The following LRP1B variants were observed in gnomAD, a reference collection of about 807,000 sequenced individuals.
LRP1B encodes the protein LDL receptor related protein 1B.
Under a neutral mutation model 556.6 loss-of-function variants are expected in LRP1B, and 217 were observed. The observed-to-expected ratio is 0.39, with a 90% CI of 0.35 to 0.44. LRP1B has a LOEUF of 0.44. Ranked by LOEUF, LRP1B falls within the 20% of genes least tolerant of loss-of-function variation. LRP1B has a pLI of 1.00. For synonymous variants in LRP1B, 2,047 were observed against 1,865.8 expected, an observed-to-expected ratio of 1.10 and a Z score of -2.50; for missense variants, 5,053 against 5,620.8, an observed-to-expected ratio of 0.90 and a Z score of 3.23.
At chr2:140,667,885 T>C (rs1430291203) in intron 41 of LRP1B, among the ~76,000 whole-genome samples, 1 of 152,210 alleles carries the variant, frequency 6.6e-6, no homozygotes, top group African/African-American at 2.4e-5. Context: ...TCACAAATCA[T>C]ACTGTGTTCT....
intron 3 of LRP1B, among the ~76,000 whole-genome samples, chr2:141,429,313 T>C (rs1057383794): frequency 6.6e-6 from 1 of 152,156 alleles, no homozygotes; most frequent in African/African-American, 2.4e-5. Context: ...CATAGTATTT[T>C]CTAATGGCAC....
rs557618529 is a variant in LRP1B at position 141,335,812 on chromosome 2, C to T, written c.344-81171G>A. 1.4e-4 allele frequency among the ~76,000 whole-genome samples: 22 copies of T among 152,062 alleles called. No homozygotes were observed. The South Asian group carries it at 1.9e-3, about 13-fold the overall frequency. On this transcript the variant is annotated intron_variant, in intron 3 of 90. Coordinates refer to ENST00000389484, the MANE Select transcript of LRP1B (RefSeq NM_018557.3). Reference sequence around the variant, plus strand: ...ATGGAAAAAAAGAGAGATAAACATGCGTGTGTGTTGTGTGTATACACCTGT... The same window carrying T: ...ATGGAAAAAAAGAGAGATAAACATGTGTGTGTGTTGTGTGTATACACCTGT...
At chr2:140,234,705 C>T in intron 90 of LRP1B, 81 bp downstream of exon 90, 1 of 668,640 alleles carries the variant, frequency 1.5e-6, no homozygotes, top group Non-Finnish European at 2.7e-6. Context: ...TAAAAACAAG[C>T]CTCTAAGTCT....
intron 18 of LRP1B, among the ~76,000 whole-genome samples, chr2:140,958,937 A>G (rs74529934): frequency 0.023 from 3,504 of 151,754 alleles, 69 homozygotes; most frequent in Non-Finnish European, 0.032. Context: ...CCAGAAAAAT[A>G]TAAGAGGGAA....
chr2:141,095,895 A>G (rs1316234236), intron 7 of LRP1B, among the ~76,000 whole-genome samples: 1 of 152,096 alleles, frequency 6.6e-6, no homozygotes, highest in African/African-American at 2.4e-5. Flanking sequence ...CATTCTTCCC[A>G]GATGGAGGAG....
chr2:141,328,604 T>G (rs1477053337), intron 3 of LRP1B, among the ~76,000 whole-genome samples: 2 of 152,242 alleles, frequency 1.3e-5, no homozygotes, highest in Non-Finnish European at 2.9e-5. Context: ...AAGAGAGCTC[T>G]ACTTCAAGGT....
chr2:141,471,282 T>TTTG (rs1553518999), intron 3 of LRP1B, among the ~76,000 whole-genome samples: 6 of 113,842 alleles, frequency 5.3e-5, no homozygotes, highest in Non-Finnish European at 9.7e-5. Flanking sequence ...TTTTTTTTTT[T>TTTG]TTTTTTTTTT....
At chr2:141,684,603 A>T (rs10200375) in intron 2 of LRP1B, among the ~76,000 whole-genome samples, 10,836 of 151,978 alleles carry the variant, frequency 0.071, 538 homozygotes, top group African/African-American at 0.13. Context: ...TAAAGTAAAA[A>T]AAAAGAAAAA....
At chr2:141,061,890 A>G (rs1013227906) in intron 8 of LRP1B, among the ~76,000 whole-genome samples, 161 bp downstream of exon 8, 1 of 151,858 alleles carries the variant, frequency 6.6e-6, no homozygotes, top group Non-Finnish European at 1.5e-5. Context: ...AAATATCACA[A>G]TATCACTGTG....
At position 141,439,908 on chromosome 2, in the gene LRP1B, T is replaced by A. The variant is rs962159493; in HGVS notation, c.343+40488A>T. Among the ~76,000 whole-genome samples the A allele has an allele frequency of 7.9e-5, 12 of 152,298 alleles. No homozygotes were observed. In the East Asian group the frequency reaches 2.3e-3, roughly 29 times the overall value. ...AATGTGTCCACATAGTGTCCAAAAA[T>A]CTTTCTAAGAAAAGTTTTGTTTTTA... is the stretch of plus-strand genomic sequence containing the variant. On this transcript the variant is annotated intron_variant, in intron 3 of 90. Transcript: ENST00000389484.
At chr2:140,284,505 C>T (rs1271555732) in intron 84 of LRP1B, among the ~76,000 whole-genome samples, 1 of 151,610 alleles carries the variant, frequency 6.6e-6, no homozygotes, top group Non-Finnish European at 1.5e-5. Context: ...CAGGCAACAT[C>T]TCACCTCATC....
chr2:140,387,968 G>T (rs1277484067), intron 66 of LRP1B, among the ~76,000 whole-genome samples: 3 of 139,470 alleles, frequency 2.2e-5, no homozygotes, highest in African/African-American at 8.0e-5. Context: ...ATGGAGTCTT[G>T]CTCTATCCCA....
intron 2 of LRP1B, among the ~76,000 whole-genome samples, chr2:141,508,981 G>C (rs1053772207): frequency 6.6e-6 from 1 of 152,080 alleles, no homozygotes; most frequent in Non-Finnish European, 1.5e-5. Context: ...GAGACACAGA[G>C]CATATTTACT....
At chr2:140,794,543 G>T (rs540934359) in intron 32 of LRP1B, among the ~76,000 whole-genome samples, 19 of 150,560 alleles carry the variant, frequency 1.3e-4, no homozygotes, top group South Asian at 4.2e-4. Context: ...CTGTCCAGAT[G>T]AATTTCCAAA....
intron 1 of LRP1B, among the ~76,000 whole-genome samples, chr2:141,887,687 T>G (rs72849401): frequency 0.068 from 10,350 of 152,272 alleles, 363 homozygotes; most frequent in South Asian, 0.083. Flanking sequence ...CCAATAGGAA[T>G]GTTAAACTGT....
At chr2:140,776,551 TTAATA>T (rs1458026683) in intron 32 of LRP1B, among the ~76,000 whole-genome samples, 7 of 149,440 alleles carry the variant, frequency 4.7e-5, no homozygotes, top group African/African-American at 1.5e-4. Context: ...GTATTTCAAA[TTAATA>T]TAAAATCAGC....
At chr2:140,514,552 A>G (rs781155008) in intron 51 of LRP1B, 101 bp downstream of exon 51, 2 of 1,104,086 alleles carry the variant, frequency 1.8e-6, no homozygotes, top group Non-Finnish European at 1.2e-6. Context: ...CATAAATTTT[A>G]TGTTAATTTT....
intron 25 of LRP1B, among the ~76,000 whole-genome samples, chr2:140,873,629 G>C (rs760709616): frequency 4.0e-5 from 6 of 151,854 alleles, no homozygotes; most frequent in Non-Finnish European, 7.4e-5. Context: ...GACTAGCACA[G>C]TTTTTATAAA....
At chr2:140,706,528 T>C (rs894038895) in intron 37 of LRP1B, among the ~76,000 whole-genome samples, 3 of 152,164 alleles carry the variant, frequency 2.0e-5, no homozygotes, top group African/African-American at 7.2e-5. Flanking sequence ...TAAAAGTGGC[T>C]TTCAGAATTA....
Sources: allele counts gnomAD v4.1 joint callset (sites outside exome capture counted in the v4.1 genomes callset), GRCh38; gene constraint gnomAD v4.1.1; transcripts MANE v1.5; gene names NCBI Gene and HGNC (gene_info 2026-07-23, HGNC 2026-07-21).